Variants in ITPRID1 observed in about 807,000 individuals in gnomAD.
ITPRID1 encodes the protein ITPR interacting domain containing 1.
A neutral mutation model predicts 95.4 loss-of-function variants in ITPRID1; 96 were observed. The ratio of observed to expected loss-of-function variants is 1.01; its 90% confidence interval spans 0.85 to 1.19. ITPRID1 has a LOEUF of 1.19. ITPRID1 is among the 50% of genes most tolerant of loss of function. The pLI, the probability that ITPRID1 is intolerant of heterozygous loss-of-function variation, is 0.00. For synonymous variants in ITPRID1, 510 were observed against 453.6 expected, an observed-to-expected ratio of 1.12 and a Z score of -1.58; for missense variants, 1,339 against 1,252.9, an observed-to-expected ratio of 1.07 and a Z score of -1.04.
At chr7:31,595,190 A>G (rs944493244) in intron 10 of ITPRID1, among the ~76,000 whole-genome samples, 9 of 150,596 alleles carry the variant, frequency 6.0e-5, no homozygotes, top group African/African-American at 2.2e-4. Flanking sequence ...GATTACAGGC[A>G]TGAGCCACCA....
At chr7:31,648,543 CTCCA>C (rs1203582576) in intron 12 of ITPRID1, among the ~76,000 whole-genome samples, 2 of 152,182 alleles carry the variant, frequency 1.3e-5, no homozygotes, top group African/African-American at 4.8e-5. Context: ...AGAGCAAACA[CTCCA>C]TCAGTTATTC....
intron 10 of ITPRID1, among the ~76,000 whole-genome samples, chr7:31,599,473 C>A (rs1031931403): frequency 6.6e-6 from 1 of 152,132 alleles, no homozygotes; most frequent in Non-Finnish European, 1.5e-5. Flanking sequence ...AAACTCAGGA[C>A]TTCTACTGTA....
chr7:31,572,998 G>T (rs769778854), intron 7 of ITPRID1, among the ~76,000 whole-genome samples: 2 of 152,124 alleles, frequency 1.3e-5, no homozygotes. Flanking sequence ...TGCAACTTTA[G>T]ATTTCTCACC....
In ITPRID1 at chr7:31,592,822, A is replaced by G. The variant is rs571604005; in HGVS notation, c.1228+9631A>G. Among the ~76,000 whole-genome samples, 50 of 152,342 alleles carry G rather than the reference A, an allele frequency of 3.3e-4. 1 individual carries two copies. The highest frequency in any genetic ancestry group is 2.6e-3 in the Admixed American group (40 of 15,306). ...TGCTCTATACTAATAAAAATAGTGTATGGAAAAATTGAACTCAAGTAATAA... is the reference window on the plus strand; with the variant it reads ...TGCTCTATACTAATAAAAATAGTGTGTGGAAAAATTGAACTCAAGTAATAA... On this transcript the variant is annotated intron_variant, in intron 10 of 14. Coordinates refer to ENST00000615280, the MANE Select transcript of ITPRID1 (RefSeq NM_001257967.3).
chr7:31,558,240 TG>T lies in ITPRID1; in HGVS notation c.256+3340del, dbSNP rs553299801. ...TTGGACTTCCCAGCCTCCACAGTTG[TG>T]AGCCAAATAAACTTCTTTTCTTTAT... On this transcript the variant is annotated intron_variant, in intron 5 of 14. Coordinates refer to ENST00000615280, the MANE Select transcript of ITPRID1 (RefSeq NM_001257967.3). Among the ~76,000 whole-genome samples, 354 of 152,288 alleles carry T rather than the reference TG, an allele frequency of 2.3e-3. 1 individual carries two copies. The highest frequency in any genetic ancestry group is 8.0e-3 in the African/African-American group (332 of 41,560).
At chr7:31,537,254 CCA>C (rs1325987372) in intron 1 of ITPRID1, among the ~76,000 whole-genome samples, 1 of 151,902 alleles carries the variant, frequency 6.6e-6, no homozygotes, top group Non-Finnish European at 1.5e-5. Flanking sequence ...TGTGAGTGGC[CCA>C]CAGTTTCACC....
At chr7:31,586,882 T>C (rs1785638210) in intron 10 of ITPRID1, among the ~76,000 whole-genome samples, 2 of 152,158 alleles carry the variant, frequency 1.3e-5, no homozygotes, top group South Asian at 4.2e-4. Flanking sequence ...TTGTTGCCAT[T>C]GCTTTTGGTG....
At chr7:31,650,452 A>C (rs907289238) in intron 12 of ITPRID1, among the ~76,000 whole-genome samples, 3 of 152,188 alleles carry the variant, frequency 2.0e-5, no homozygotes, top group Admixed American at 2.0e-4. Flanking sequence ...AGGCAAAGGC[A>C]CAGCCTGAGA....
chr7:31,517,895 A>T (rs1196449480), intron 1 of ITPRID1: 1 of 152,272 alleles, frequency 6.6e-6, no homozygotes, highest in East Asian at 1.9e-4. Context: ...AGAGGTCTCC[A>T]CTGTTCTGAG....
At chr7:31,574,446 C>T in intron 7 of ITPRID1, 94 bp from the exon 8 acceptor site, 1 of 1,081,534 alleles carries the variant, frequency 9.2e-7, no homozygotes, top group Non-Finnish European at 1.4e-6. Flanking sequence ...CTCTTTCACT[C>T]AGTATCTGGG....
chr7:31,604,296 C>A (rs1441591531), intron 10 of ITPRID1, among the ~76,000 whole-genome samples: 1 of 152,134 alleles, frequency 6.6e-6, no homozygotes, highest in Non-Finnish European at 1.5e-5. Context: ...AACCACAGCT[C>A]AGAGAGGATA....
chr7:31,574,683 T>C lies in ITPRID1; in HGVS notation c.539T>C (p.Ile180Thr), dbSNP rs749348664. ...GGCTCAGCAGCCAGAGGAATCAACA[T>C]CCGTGTTTTTCTTGAAGCTCAAAAG... ...GCGSAARGIN[I>T]RVFLEAQKQR... The change falls in exon 8 of 15, where the codon ATC (isoleucine) becomes ACC (threonine). Residue 180 changes from isoleucine (I) to threonine (T), a missense_variant. Coordinates refer to ENST00000615280, the MANE Select transcript of ITPRID1 (RefSeq NM_001257967.3). The C allele has an allele frequency of 6.2e-7, 1 of 1,613,840 alleles. No homozygotes were observed. Among genetic ancestry groups the C allele is most frequent in the Non-Finnish European group, 8.5e-7 (1 of 1,179,826 alleles).
chr7:31,574,770 T>A (rs1438759114), intron 8 of ITPRID1, 28 bp downstream of exon 8: 2 of 1,604,982 alleles, frequency 1.2e-6, no homozygotes, highest in African/African-American at 2.7e-5. Context: ...GGCATTCGCA[T>A]CTCAGCATTG....
intron 10 of ITPRID1, among the ~76,000 whole-genome samples, chr7:31,614,348 G>A (rs978345405): frequency 1.3e-5 from 2 of 152,064 alleles, no homozygotes; most frequent in African/African-American, 2.4e-5. Context: ...AAGTGAGGGC[G>A]AGGCTCAACT....
rs1791241331 is a variant in ITPRID1, at chr7:31,655,235, C to T, written c.*2406C>T. ...CTGATCCTCTCTGTCAGTGGCACAG[C>T]CTTTCTCCTTGCTGCAGGCTCAGTG... On this transcript the variant is annotated 3_prime_UTR_variant, in exon 15 of 15. Coordinates refer to ENST00000615280, the MANE Select transcript of ITPRID1 (RefSeq NM_001257967.3). Among the ~76,000 whole-genome samples, 1 of 152,198 alleles carries T rather than the reference C, an allele frequency of 6.6e-6. No homozygotes were observed. Among genetic ancestry groups the T allele is most frequent in the African/African-American group, 2.4e-5 (1 of 41,454 alleles).
At chr7:31,599,589 C>CTT (rs1331037462) in intron 10 of ITPRID1, among the ~76,000 whole-genome samples, 1 of 40,786 alleles carries the variant, frequency 2.5e-5, no homozygotes. Context: ...GTGTTATTTT[C>CTT]TTTCTTTCTT....
At chr7:31,532,949 G>A (rs561916757) in intron 1 of ITPRID1, among the ~76,000 whole-genome samples, 165 of 152,196 alleles carry the variant, frequency 1.1e-3, no homozygotes, top group African/African-American at 3.8e-3. Flanking sequence ...TTGTATCTAT[G>A]TTTATTAAGA....
At chr7:31,613,193 T>C (rs1013585601) in intron 10 of ITPRID1, among the ~76,000 whole-genome samples, 1 of 152,148 alleles carries the variant, frequency 6.6e-6, no homozygotes, top group Non-Finnish European at 1.5e-5. Flanking sequence ...GCTGATTGTT[T>C]TAAGGCTAAT....
chr7:31,549,407 ATTC>A lies in ITPRID1; in HGVS notation c.-97-13_-97-11del. ...AGACAAATGATTGCATTGATTGGTG[ATTC>A]TTCTTTACTTGACAGTTCCTGACAG... On this transcript the variant is annotated splice_polypyrimidine_tract_variant and intron_variant, in intron 1 of 14. Transcript: ENST00000615280. 1 of 1,383,038 alleles carries A rather than the reference ATTC, an allele frequency of 7.2e-7. No homozygotes were observed. The highest frequency in any genetic ancestry group is 9.3e-7 in the Non-Finnish European group (1 of 1,070,168). 85.7% of individuals were successfully genotyped at this position (1,383,038 alleles called of 1,614,324 possible).
Sources: allele counts gnomAD v4.1 joint callset (sites outside exome capture counted in the v4.1 genomes callset), GRCh38; gene constraint gnomAD v4.1.1; transcripts MANE v1.5; gene names NCBI Gene and HGNC (gene_info 2026-07-23, HGNC 2026-07-21).